THADA: variants seen among roughly 807,000 people sequenced by gnomAD.
THADA encodes THADA armadillo repeat containing, also known as tRNA (32-2'-O)-methyltransferase regulator THADA.
In THADA, 213 loss-of-function variants were observed where a neutral mutation model predicts 219.8. The observed-to-expected ratio is 0.97, with a 90% CI of 0.87 to 1.09. The LOEUF is 1.09. Ranked by LOEUF, THADA falls within the 50% of genes least tolerant of loss-of-function variation. The pLI is 0.00. For missense variants in THADA, 2,956 were observed against 2,311.3 expected, an observed-to-expected ratio of 1.28 and a Z score of -5.72; for synonymous variants, 1,018 against 828.9, an observed-to-expected ratio of 1.23 and a Z score of -3.92.
intron 34 of THADA, among the ~76,000 whole-genome samples, chr2:43,289,807 A>G (rs1377391104): frequency 2.0e-5 from 3 of 151,598 alleles, no homozygotes; most frequent in Non-Finnish European, 4.4e-5. Context: ...GCATACCACC[A>G]CATCTGGCTA....
chr2:43,538,977 C>T (rs141091863), intron 21 of THADA, among the ~76,000 whole-genome samples: 123 of 152,236 alleles, frequency 8.1e-4, no homozygotes, highest in Non-Finnish European at 1.6e-3. Context: ...TGATTTTAAA[C>T]GGACTGTCAT....
chr2:43,264,788 A>T (rs1169718318), intron 36 of THADA, among the ~76,000 whole-genome samples: 1 of 152,194 alleles, frequency 6.6e-6, no homozygotes, highest in African/African-American at 2.4e-5. Context: ...GCTGGAGAAG[A>T]ACACAGGAAG....
chr2:43,329,901 G>C (rs1679762374), intron 30 of THADA, among the ~76,000 whole-genome samples: 1 of 152,170 alleles, frequency 6.6e-6, no homozygotes, highest in Non-Finnish European at 1.5e-5. Flanking sequence ...TTCGTTATTT[G>C]ACAATAGATA....
chr2:43,297,447 TGGG>T (rs1287659356), intron 31 of THADA, among the ~76,000 whole-genome samples: 1 of 60,888 alleles, frequency 1.6e-5, no homozygotes, highest in African/African-American at 1.5e-4. Context: ...GGGAGGGAGG[TGGG>T]GGGGGGTCAG....
chr2:43,363,558 G>A (rs1037040215), intron 29 of THADA, among the ~76,000 whole-genome samples: 37 of 152,186 alleles, frequency 2.4e-4, no homozygotes, highest in African/African-American at 8.7e-4. Context: ...GAGAAAGAGG[G>A]AGATTTCTCA....
At chr2:43,312,187 C>G (rs1454301300) in intron 31 of THADA, among the ~76,000 whole-genome samples, 3 of 149,816 alleles carry the variant, frequency 2.0e-5, no homozygotes, top group Admixed American at 6.7e-5. Flanking sequence ...CCACTGCACT[C>G]CAGCCTGGGT....
chr2:43,428,113 G>A lies in THADA; in HGVS notation c.4045C>T (p.Pro1349Ser), dbSNP rs775445499. 1.2e-6 allele frequency: 2 copies of A among 1,609,046 alleles called. No individual in the cohort carries two copies. The highest frequency in any genetic ancestry group is 2.7e-5 in the African/African-American group (2 of 74,728). The stretch of plus-strand genomic sequence containing the variant: ...GCATGACACTACCTCATAATGAAGG[G>A]AACAAAAGGTCCCATGCTGAGAGCA... ...SSALSMGPFV[P>S]FIMRCGHSPV... The change falls in exon 28 of 38, where the codon CCC becomes TCC. Residue 1349 changes from proline (P) to serine (S), a missense_variant. Coordinates refer to ENST00000405975, the MANE Select transcript of THADA (RefSeq NM_022065.5).
rs576688822 is a variant in THADA, at chr2:43,309,553, T to A, written c.4438+10893A>T. 2.6e-5 allele frequency among the ~76,000 whole-genome samples: 4 copies of A among 152,282 alleles called. No individual in the cohort carries two copies. The East Asian group carries it at 7.7e-4, about 29-fold the overall frequency. ...CAGAATGAAGGATAAAATTACAATA[T>A]CATCTCAACAGGCACAGCAAGGTCA... is the stretch of plus-strand genomic sequence containing the variant. On this transcript the variant is annotated intron_variant, in intron 31 of 37. Transcript: ENST00000405975.
intron 15 of THADA, chr2:43,565,415 G>A (rs1375004122): frequency 7.1e-6 from 1 of 141,030 alleles, no homozygotes; most frequent in Non-Finnish European, 1.5e-5. Context: ...CTGGGCAACA[G>A]AGCGAGACTC....
intron 30 of THADA, among the ~76,000 whole-genome samples, chr2:43,325,898 G>A (rs1240279974): frequency 6.6e-6 from 1 of 151,982 alleles, no homozygotes; most frequent in Non-Finnish European, 1.5e-5. Context: ...CAGGTAATAA[G>A]CTACCCTACA....
chr2:43,502,061 A>T (rs1689061993), intron 24 of THADA, among the ~76,000 whole-genome samples: 1 of 152,376 alleles, frequency 6.6e-6, no homozygotes, highest in East Asian at 1.9e-4. Flanking sequence ...TAAATCAAGA[A>T]GAAAAGGATG....
At chr2:43,540,296 A>G (rs1695131039) in intron 21 of THADA, among the ~76,000 whole-genome samples, 1 of 152,222 alleles carries the variant, frequency 6.6e-6, no homozygotes, top group Non-Finnish European at 1.5e-5. Context: ...AAGGCCTTGC[A>G]ACATCACAAG....
intron 36 of THADA, among the ~76,000 whole-genome samples, chr2:43,265,912 AT>A (rs1226957624): frequency 4.8e-5 from 7 of 145,398 alleles, no homozygotes; most frequent in Non-Finnish European, 6.0e-5. Flanking sequence ...TGATAATCCG[AT>A]TTTTTTTTAC....
chr2:43,442,441 C>A (rs1443159022), intron 26 of THADA, among the ~76,000 whole-genome samples: 1 of 151,512 alleles, frequency 6.6e-6, no homozygotes, highest in Admixed American at 6.6e-5. Flanking sequence ...CTCGGAGTTG[C>A]AAAGACAGAA....
rs1343866080 is a variant in THADA at position 43,398,234 on chromosome 2, TC to T, written c.4059-96del. Reference sequence around the variant, plus strand: ...ATTCTATCTAGCATGGCCTGGAACATCCAGGGGTTAGGGGGAGACAGGAGCT... The same window carrying T: ...ATTCTATCTAGCATGGCCTGGAACATCAGGGGTTAGGGGGAGACAGGAGCT... On this transcript the variant is annotated intron_variant, in intron 28 of 37. Coordinates refer to ENST00000405975, the MANE Select transcript of THADA (RefSeq NM_022065.5). The T allele has an allele frequency of 3.7e-6, 5 of 1,354,376 alleles. No individual in the cohort carries two copies. In the African/African-American group the frequency reaches 4.3e-5, roughly 12 times the overall value. The allele number at this position is 1,354,376 out of a possible 1,614,324, so 83.9% of individuals were successfully genotyped here.
rs530134496 is a variant in THADA at position 43,377,735 on chromosome 2, G to A, written c.4227+20236C>T. 5.3e-5 allele frequency among the ~76,000 whole-genome samples: 8 copies of A among 152,256 alleles called. No individual in the cohort carries two copies. In the East Asian group the frequency reaches 1.5e-3, roughly 29 times the overall value. On this transcript the variant is annotated intron_variant, in intron 29 of 37. Transcript: ENST00000405975. The stretch of plus-strand genomic sequence containing the variant: ...AGAAATTTACATAATGCTGGGTCTT[G>A]ACCTATGAAATCTATAGAAAGGGCC...
At chr2:43,488,541 C>T (rs555897043) in intron 25 of THADA, among the ~76,000 whole-genome samples, 1 of 152,176 alleles carries the variant, frequency 6.6e-6, no homozygotes, top group Non-Finnish European at 1.5e-5. Flanking sequence ...TAATAATATC[C>T]CATTGTACAG....
chr2:43,386,607 T>A (rs1455168087), intron 29 of THADA, among the ~76,000 whole-genome samples: 3 of 152,118 alleles, frequency 2.0e-5, no homozygotes, highest in Non-Finnish European at 4.4e-5. Context: ...ATTAACATAA[T>A]TACGGGCTGG....
chr2:43,329,919 T>C (rs202132911), intron 30 of THADA, among the ~76,000 whole-genome samples: 2 of 152,232 alleles, frequency 1.3e-5, no homozygotes, highest in East Asian at 3.8e-4. Flanking sequence ...ATAGTTCCCG[T>C]ATCTTCTTAG....
Sources: gnomAD v4.1 joint callset for allele counts (sites outside exome capture counted in the v4.1 genomes callset) on GRCh38, gnomAD v4.1.1 for gene constraint, MANE v1.5 for transcripts, NCBI Gene and HGNC (gene_info 2026-07-23, HGNC 2026-07-21) for gene names.